FSTL5: variants seen among roughly 807,000 people sequenced by gnomAD.
The protein encoded by FSTL5 is follistatin-related protein 5.
A neutral mutation model predicts 89.1 loss-of-function variants in FSTL5; 62 were observed. The ratio of observed to expected loss-of-function variants is 0.70; its 90% CI spans 0.57 to 0.86. The LOEUF (loss-of-function observed/expected upper bound fraction) is 0.86. Among genes scored for constraint, FSTL5 ranks in the 40% least tolerant of loss-of-function variants. The pLI is 0.00. For synonymous variants in FSTL5, 383 were observed against 346.2 expected, an observed-to-expected ratio of 1.11 and a Z score of -1.18; for missense variants, 1,057 against 1,001.6, an observed-to-expected ratio of 1.06 and a Z score of -0.75.
chr4:162,033,748 T>A, intron 2 of FSTL5, 90 bp from the exon 3 acceptor site: 1 of 696,410 alleles, frequency 1.4e-6, no homozygotes, highest in Non-Finnish European at 2.4e-6. Context: ...AGTATCAAAA[T>A]GATTTTTGTA....
chr4:161,795,710 G>C (rs566010676), intron 4 of FSTL5, among the ~76,000 whole-genome samples: 4 of 151,990 alleles, frequency 2.6e-5, no homozygotes, highest in African/African-American at 4.8e-5. Context: ...TTGTTGAAGA[G>C]AGTATTCTTT....
At chr4:161,868,609 G>A (rs1732164924) in intron 4 of FSTL5, among the ~76,000 whole-genome samples, 1 of 152,160 alleles carries the variant, frequency 6.6e-6, no homozygotes. Context: ...GTTTTTCAAT[G>A]ACTACTTATC....
At chr4:161,877,428 A>C (rs1732481470) in intron 4 of FSTL5, among the ~76,000 whole-genome samples, 1 of 151,484 alleles carries the variant, frequency 6.6e-6, no homozygotes, top group Non-Finnish European at 1.5e-5. Flanking sequence ...ATAAAATAGA[A>C]AAAATATTTT....
chr4:162,002,122 CTACTA>C (rs1433725633), intron 3 of FSTL5, among the ~76,000 whole-genome samples: 1 of 152,068 alleles, frequency 6.6e-6, no homozygotes, highest in Non-Finnish European at 1.5e-5. Context: ...AATATGGACT[CTACTA>C]TAAACTGAAA....
At chr4:161,722,530 A>G (rs939139913) in intron 6 of FSTL5, among the ~76,000 whole-genome samples, 1 of 152,082 alleles carries the variant, frequency 6.6e-6, no homozygotes, top group Admixed American at 6.6e-5. Flanking sequence ...TAGGTGATTT[A>G]CCCTACCTGT....
At chr4:161,579,694 G>A (rs1245292685) in intron 8 of FSTL5, among the ~76,000 whole-genome samples, 5 of 147,172 alleles carry the variant, frequency 3.4e-5, no homozygotes. Flanking sequence ...TCCAGCCTGG[G>A]CGATGGCGCA....
At chr4:161,608,975 A>G (rs1400443552) in intron 7 of FSTL5, among the ~76,000 whole-genome samples, 1 of 152,038 alleles carries the variant, frequency 6.6e-6, no homozygotes, top group Admixed American at 6.6e-5. Flanking sequence ...CCTGTTGCAT[A>G]ACATAAATTC....
chr4:161,476,423 G>T (rs1011378174), intron 13 of FSTL5, among the ~76,000 whole-genome samples: 1 of 152,004 alleles, frequency 6.6e-6, no homozygotes, highest in Non-Finnish European at 1.5e-5. Flanking sequence ...CTGACCTCAG[G>T]TGACCCACCC....
At chr4:161,985,865 A>G (rs1487082553) in intron 3 of FSTL5, among the ~76,000 whole-genome samples, 9 of 152,192 alleles carry the variant, frequency 5.9e-5, no homozygotes, top group Admixed American at 2.0e-4. Flanking sequence ...GTATTTATTC[A>G]TATGAAACAG....
intron 7 of FSTL5, among the ~76,000 whole-genome samples, chr4:161,643,744 G>A (rs1046764669): frequency 6.6e-6 from 1 of 152,126 alleles, no homozygotes; most frequent in African/African-American, 2.4e-5. Context: ...ATTGAATCTA[G>A]AAATTGTTGA....
intron 3 of FSTL5, among the ~76,000 whole-genome samples, chr4:162,023,794 T>G (rs1202500950): frequency 1.3e-5 from 2 of 152,166 alleles, no homozygotes; most frequent in Non-Finnish European, 2.9e-5. Context: ...TTGCTGCCCC[T>G]GCATTATCAG....
At chr4:161,561,008 T>C (rs1044242186) in intron 8 of FSTL5, among the ~76,000 whole-genome samples, 1 of 152,036 alleles carries the variant, frequency 6.6e-6, no homozygotes, top group African/African-American at 2.4e-5. Flanking sequence ...GGTAGCACAG[T>C]AGAATTTTTA....
rs888017189 is a variant in FSTL5, at chr4:161,525,970, G to C, written c.1312+12196C>G. 9.9e-5 allele frequency among the ~76,000 whole-genome samples: 15 copies of C among 151,990 alleles called. No individual in the cohort carries two copies. In the South Asian group the frequency reaches 1.7e-3, roughly 17 times the overall value. On this transcript the variant is annotated intron_variant, in intron 10 of 15. Coordinates refer to ENST00000306100, the MANE Select transcript of FSTL5 (RefSeq NM_020116.5). ...TGATACTTCATTTTTCCTTGTCTTT[G>C]AAATGCCTTCTTAAACCTATAGGCT...
chr4:161,469,730 C>T (rs1289882497), intron 13 of FSTL5, among the ~76,000 whole-genome samples: 2 of 151,852 alleles, frequency 1.3e-5, no homozygotes, highest in Admixed American at 1.3e-4. Context: ...CTCCGCCTCC[C>T]GGGTTCACGC....
At chr4:161,593,431 G>A (rs1283779302) in intron 7 of FSTL5, among the ~76,000 whole-genome samples, 1 of 151,914 alleles carries the variant, frequency 6.6e-6, no homozygotes, top group Non-Finnish European at 1.5e-5. Flanking sequence ...ACAAGAACAC[G>A]ATTATGGAGC....
intron 15 of FSTL5, among the ~76,000 whole-genome samples, chr4:161,440,927 T>C (rs1179699222): frequency 1.3e-5 from 2 of 152,156 alleles, no homozygotes; most frequent in Non-Finnish European, 2.9e-5. Flanking sequence ...TCCTGTTAAA[T>C]TGCCTAATAA....
At chr4:161,727,405 G>A (rs940769762) in intron 6 of FSTL5, among the ~76,000 whole-genome samples, 2 of 152,168 alleles carry the variant, frequency 1.3e-5, no homozygotes, top group Non-Finnish European at 2.9e-5. Flanking sequence ...ACAAGAATCA[G>A]ATATATTTCC....
At chr4:161,911,447 T>G (rs970205751) in intron 4 of FSTL5, among the ~76,000 whole-genome samples, 1 of 152,124 alleles carries the variant, frequency 6.6e-6, no homozygotes, top group Non-Finnish European at 1.5e-5. Flanking sequence ...TCTTTAGGTA[T>G]GGCAAAGAGC....
intron 7 of FSTL5, among the ~76,000 whole-genome samples, chr4:161,592,160 T>G (rs978781395): frequency 1.3e-5 from 2 of 152,120 alleles, no homozygotes; most frequent in Non-Finnish European, 2.9e-5. Context: ...CCACTGAAGT[T>G]TGAGTCAAAA....
Sources: allele counts gnomAD v4.1 joint callset (sites outside exome capture counted in the v4.1 genomes callset), GRCh38; gene constraint gnomAD v4.1.1; transcripts MANE v1.5; gene names NCBI Gene and HGNC (gene_info 2026-07-23, HGNC 2026-07-21).